Variants in SLCO3A1 observed in about 807,000 individuals in gnomAD.
SLCO3A1 encodes the protein PGE1 transporter.
SLCO3A1 carries 27 observed loss-of-function variants against 63.1 expected under a neutral mutation model. The observed-to-expected ratio is 0.43, with a 90% CI of 0.32 to 0.59. SLCO3A1 has a LOEUF of 0.59. Ranked by LOEUF, SLCO3A1 falls within the 20% of genes least tolerant of loss-of-function variation. The pLI, the probability that SLCO3A1 is intolerant of heterozygous loss-of-function variation, is 0.09. For synonymous variants in SLCO3A1, 473 were observed against 409.9 expected, an observed-to-expected ratio of 1.15 and a Z score of -1.86; for missense variants, 773 against 945.8, an observed-to-expected ratio of 0.82 and a Z score of 2.40.
rs756538030 is a variant in SLCO3A1, at chr15:92,147,169, C to A, written c.1688+10C>A. 2.5e-6 allele frequency: 4 copies of A among 1,602,712 alleles called. No individual in the cohort carries two copies. Among genetic ancestry groups the A allele is most frequent in the Non-Finnish European group, 3.4e-6 (4 of 1,173,890 alleles). ...TCATCATCCTCATCAGGTAAGCCCT[C>A]GGCACAGCCCCGCCTCTCCTCCTTT... On this transcript the variant is annotated intron_variant, in intron 8 of 9. Coordinates refer to ENST00000318445, the MANE Select transcript of SLCO3A1 (RefSeq NM_013272.4).
rs192602549 is a variant in SLCO3A1 at position 92,055,880 on chromosome 15, C to T, written c.647-39001C>T. ...AATGGGAAGTGAGGTTAGTCAGATT[C>T]GATTTGTCTTCAGAACACCCCTTTG... On this transcript the variant is annotated intron_variant, in intron 2 of 9. Transcript: ENST00000318445. 3.4e-3 allele frequency among the ~76,000 whole-genome samples: 519 copies of T among 152,292 alleles called. 1 individual carries two copies. Among genetic ancestry groups the T allele is most frequent in the Non-Finnish European group, 5.4e-3 (369 of 68,026 alleles).
intron 2 of SLCO3A1, among the ~76,000 whole-genome samples, chr15:92,021,333 T>G (rs1430065024): frequency 6.6e-6 from 1 of 152,218 alleles, no homozygotes; most frequent in East Asian, 1.9e-4. Flanking sequence ...ATACCATTTA[T>G]CAAACCATCT....
At chr15:91,926,596 T>TGTGTGTGTGTGTGTGCGCGCGCGC in intron 2 of SLCO3A1, among the ~76,000 whole-genome samples, 17 of 105,314 alleles carry the variant, frequency 1.6e-4, no homozygotes, top group African/African-American at 5.5e-4. Flanking sequence ...TGTGTGTGTG[T>TGTGTGTGTGTGTGTGCGCGCGCGC]GCGCGCGCGC....
At chr15:91,974,221 C>T (rs896990019) in intron 2 of SLCO3A1, among the ~76,000 whole-genome samples, 2 of 151,522 alleles carry the variant, frequency 1.3e-5, no homozygotes, top group African/African-American at 4.9e-5. Flanking sequence ...CAGGTCCCTT[C>T]ATAGGAGGTC....
chr15:92,078,046 T>C (rs746344698), intron 2 of SLCO3A1, among the ~76,000 whole-genome samples: 25 of 152,182 alleles, frequency 1.6e-4, no homozygotes, highest in Non-Finnish European at 3.1e-4. Flanking sequence ...CTAAAGGCCC[T>C]AGCACATGGC....
chr15:92,163,120 G>A lies in SLCO3A1; in HGVS notation c.2118G>A (p.Met706Ile), dbSNP rs1329538681. ...NLEDHEWCENMESVL is the reference protein window; with the variant it reads ...NLEDHEWCENIESVL Reference sequence around the variant, plus strand: ...AAGACCATGAGTGGTGTGAAAACATGGAGTCCGTTTTATAGTGACTAAAGG... The same window carrying A: ...AAGACCATGAGTGGTGTGAAAACATAGAGTCCGTTTTATAGTGACTAAAGG... Residue 706 changes from methionine to isoleucine, a missense_variant, in exon 10 of 10, where the codon ATG becomes ATA. By Grantham distance (10) the Met-to-Ile change is conservative. Coordinates refer to ENST00000318445, the MANE Select transcript of SLCO3A1 (RefSeq NM_013272.4). The A allele has an allele frequency of 1.3e-6, 2 of 1,523,318 alleles. No individual in the cohort carries two copies. The highest frequency in any genetic ancestry group is 1.8e-6 in the Non-Finnish European group (2 of 1,137,618). 94.4% of individuals were successfully genotyped at this position (1,523,318 alleles called of 1,614,324 possible). A position where few individuals can be genotyped will look rare whatever the true frequency, so the allele number is the denominator to read the frequency against.
chr15:91,903,536 G>C (rs747488496), intron 1 of SLCO3A1, among the ~76,000 whole-genome samples: 1 of 152,168 alleles, frequency 6.6e-6, no homozygotes, highest in Non-Finnish European at 1.5e-5. Flanking sequence ...GGGGTCTTAT[G>C]GTGTGTACTC....
Position 91,907,891 on chromosome 15 carries a change from C to G in SLCO3A1, c.181-8102C>G, listed in dbSNP as rs78401984. Among the ~76,000 whole-genome samples the G allele has an allele frequency of 8.7e-3, 1,330 of 152,184 alleles. 19 individuals are homozygous for G. Among genetic ancestry groups the G allele is most frequent in the African/African-American group, 0.031 (1,276 of 41,502 alleles). ...TCGCAGACTAGGTGATCAGAGAGAA[C>G]GATAGTGCCCCTATGAAAGACCCAG... On this transcript the variant is annotated intron_variant, in intron 1 of 9. Transcript: ENST00000318445.
chr15:92,086,956 C>A (rs1011397732), intron 2 of SLCO3A1, among the ~76,000 whole-genome samples: 3 of 148,272 alleles, frequency 2.0e-5, no homozygotes, highest in Non-Finnish European at 4.5e-5. Context: ...TCACTCTAAC[C>A]GGGGTGAAAA....
intron 2 of SLCO3A1, among the ~76,000 whole-genome samples, chr15:91,989,514 T>C (rs2151442668): frequency 6.6e-6 from 1 of 152,236 alleles, no homozygotes; most frequent in South Asian, 2.1e-4. Flanking sequence ...TAAAAATGAA[T>C]AGGATGCAAT....
At chr15:92,128,530 A>C in intron 7 of SLCO3A1, 41 bp downstream of exon 7, 1 of 1,558,876 alleles carries the variant, frequency 6.4e-7, no homozygotes, top group South Asian at 1.2e-5. Flanking sequence ...GGATTCAGGC[A>C]GCTAAAGTGG....
At position 91,874,278 on chromosome 15, in the gene SLCO3A1, C is replaced by T. The variant is rs1258989896; in HGVS notation, c.180+20190C>T. ...GTAGTTGACCTCAGGTAACTGAAAA[C>T]TTGGAAGTGAAACTCTGGATAAGCG... On this transcript the variant is annotated intron_variant, in intron 1 of 9. Transcript: ENST00000318445. 3.3e-5 allele frequency among the ~76,000 whole-genome samples: 5 copies of T among 152,156 alleles called. No individual in the cohort carries two copies. In the East Asian group the frequency reaches 9.6e-4, roughly 29 times the overall value.
intron 2 of SLCO3A1, among the ~76,000 whole-genome samples, chr15:92,003,494 C>T (rs2046279191): frequency 6.6e-6 from 1 of 152,220 alleles, no homozygotes; most frequent in South Asian, 2.1e-4. Flanking sequence ...TTCTGCCTCC[C>T]CCTTCCCATC....
intron 3 of SLCO3A1, 102 bp from the exon 4 acceptor site, chr15:92,104,177 T>C: frequency 7.4e-7 from 1 of 1,353,584 alleles, no homozygotes; most frequent in South Asian, 1.3e-5. Flanking sequence ...AAGTCATTTC[T>C]AGAGCCCTTG....
At chr15:91,994,081 A>G (rs1418049936) in intron 2 of SLCO3A1, among the ~76,000 whole-genome samples, 1 of 152,228 alleles carries the variant, frequency 6.6e-6, no homozygotes, top group Non-Finnish European at 1.5e-5. Flanking sequence ...TTCCTGACCT[A>G]TAAAATTTGC....
intron 2 of SLCO3A1, among the ~76,000 whole-genome samples, chr15:92,086,935 A>G (rs2047411693): frequency 1.3e-5 from 2 of 151,594 alleles, no homozygotes; most frequent in African/African-American, 4.8e-5. Context: ...GTGAGCTGAG[A>G]TCAAGTCACT....
At chr15:91,979,207 T>G (rs185123251) in intron 2 of SLCO3A1, among the ~76,000 whole-genome samples, 1 of 152,282 alleles carries the variant, frequency 6.6e-6, no homozygotes, top group Non-Finnish European at 1.5e-5. Context: ...TTTTTTTTAA[T>G]TTTGGAATAT....
intron 2 of SLCO3A1, among the ~76,000 whole-genome samples, chr15:92,017,812 G>C (rs2046456405): frequency 6.6e-6 from 1 of 152,154 alleles, no homozygotes; most frequent in African/African-American, 2.4e-5. Context: ...TTGTTTGGGT[G>C]GTGGGGGTTG....
intron 9 of SLCO3A1, among the ~76,000 whole-genome samples, chr15:92,151,562 A>G (rs1340275939): frequency 6.6e-6 from 1 of 152,094 alleles, no homozygotes; most frequent in Non-Finnish European, 1.5e-5. Flanking sequence ...TCTTGTTTTT[A>G]AGATAGGCAA....
Sources: gnomAD v4.1 joint callset for allele counts (sites outside exome capture counted in the v4.1 genomes callset) on GRCh38, gnomAD v4.1.1 for gene constraint, MANE v1.5 for transcripts, NCBI Gene and HGNC (gene_info 2026-07-23, HGNC 2026-07-21) for gene names.